RAB37: variants seen among roughly 807,000 people sequenced by gnomAD.
RAB37 encodes ras-related protein Rab-37.
In RAB37, 29 loss-of-function variants were observed where a neutral mutation model predicts 33.1. That is an observed-to-expected ratio of 0.88 (90% CI 0.65 to 1.20). RAB37 has a LOEUF of 1.20. RAB37 is among the 50% of genes most tolerant of loss of function. The pLI, the probability that RAB37 is intolerant of heterozygous loss-of-function variation, is 0.00. For synonymous variants in RAB37, 128 were observed against 119.5 expected (o/e 1.07, Z -0.47); for missense variants, 299 against 301.1 (o/e 0.99, Z 0.05).
intron 1 of RAB37, 67 bp downstream of exon 1, chr17:74,737,432 G>T: frequency 6.8e-7 from 1 of 1,469,996 alleles, no homozygotes; most frequent in Non-Finnish European, 9.1e-7. Flanking sequence ...CTGCGTCTGG[G>T]TTGGACTCAG....
Position 74,745,478 on chromosome 17 carries a change from C to T in RAB37, c.*67C>T, listed in dbSNP as rs546481506. On this transcript the variant is annotated 3_prime_UTR_variant, in exon 9 of 9. Transcript: ENST00000392613. This position sits in a 1 kb window ranked among gnomAD's most constrained non-coding sequence, Gnocchi z 4.5. Reference sequence around the variant, plus strand: ...GCAGCCTTCCCCCTCCCAGGCCTGGCTTATTCCAAGAGGCTGAGCCAATGG... The same window carrying T: ...GCAGCCTTCCCCCTCCCAGGCCTGGTTTATTCCAAGAGGCTGAGCCAATGG... 3.4e-5 allele frequency: 46 copies of T among 1,346,604 alleles called. No homozygotes were observed. The African/African-American group carries it at 6.2e-4, about 18-fold the overall frequency. 83.4% of individuals were successfully genotyped at this position (1,346,604 alleles called of 1,614,324 possible).
At chr17:74,698,747 A>C in intron 1 of RAB37, 2 of 708,704 alleles carry the variant, frequency 2.8e-6, no homozygotes, top group Non-Finnish European at 4.4e-6. Context: ...AAAAACTACA[A>C]ACTACCTATT....
At chr17:74,724,286 G>C (rs2034278256) in intron 1 of RAB37, among the ~76,000 whole-genome samples, 1 of 152,220 alleles carries the variant, frequency 6.6e-6, no homozygotes, top group South Asian at 2.1e-4. Flanking sequence ...CAGAAGACTG[G>C]AAACATGGAG....
intron 1 of RAB37, among the ~76,000 whole-genome samples, chr17:74,680,418 A>G (rs1426442930): frequency 6.6e-6 from 1 of 152,136 alleles, no homozygotes; most frequent in East Asian, 1.9e-4. Context: ...CTCACAAGAC[A>G]TGTATTGCCC....
chr17:74,683,719 G>A (rs2031999495), intron 1 of RAB37, among the ~76,000 whole-genome samples: 1 of 152,180 alleles, frequency 6.6e-6, no homozygotes, highest in African/African-American at 2.4e-5. Flanking sequence ...ATTCCCTGGG[G>A]CACCTCTGCC....
chr17:74,698,483 T>C (rs957386312), intron 1 of RAB37: 100 of 1,612,366 alleles, frequency 6.2e-5, no homozygotes, highest in Non-Finnish European at 8.4e-5. Flanking sequence ...AGCTTGTGCC[T>C]AGAAACAATG....
chr17:74,735,263 G>A (rs1278740376), upstream of RAB37, among the ~76,000 whole-genome samples: 2 of 152,136 alleles, frequency 1.3e-5, no homozygotes, highest in Non-Finnish European at 2.9e-5. Context: ...TACCAGGCCA[G>A]GTGCGGTGGC....
intron 1 of RAB37, among the ~76,000 whole-genome samples, chr17:74,717,171 A>G (rs1598301742): frequency 1.3e-5 from 2 of 152,308 alleles, no homozygotes. Context: ...CAAATTTCAG[A>G]ATGAAAGAAT....
intron 1 of RAB37, among the ~76,000 whole-genome samples, chr17:74,680,642 C>T (rs530905964): frequency 9.9e-5 from 15 of 152,216 alleles, no homozygotes; most frequent in Admixed American, 3.3e-4. Context: ...CCACCTCTGC[C>T]TCCCTCAGCT....
chr17:74,720,192 C>T (rs991768084), intron 1 of RAB37, among the ~76,000 whole-genome samples: 3 of 152,126 alleles, frequency 2.0e-5, no homozygotes, highest in African/African-American at 7.2e-5. Flanking sequence ...TGGGTTCAGC[C>T]CCTCGTGAGA....
Position 74,704,751 on chromosome 17 carries a change from T to G in RAB37, c.73-24505T>G, listed in dbSNP as rs756965295. On this transcript the variant is annotated intron_variant, in intron 1 of 7. Coordinates refer to the RAB37 transcript ENST00000340415. ...CCTGATCTGTAAACACACTGCACGGTCAAGGAGCCCCGCTCCAAGCCATTC... is the reference window on the plus strand; with the variant it reads ...CCTGATCTGTAAACACACTGCACGGGCAAGGAGCCCCGCTCCAAGCCATTC... 6 of 1,614,094 alleles carry G rather than the reference T, an allele frequency of 3.7e-6. No homozygotes were observed. In the South Asian group the frequency reaches 6.6e-5, roughly 18 times the overall value.
At chr17:74,701,107 A>T (rs539876266) in intron 1 of RAB37, among the ~76,000 whole-genome samples, 13 of 152,328 alleles carry the variant, frequency 8.5e-5, no homozygotes, top group Admixed American at 7.2e-4. Context: ...GAGAAAATAA[A>T]TTTTTGTGAT....
At chr17:74,728,299 GTGTA>G (rs1228165287) in intron 1 of RAB37, among the ~76,000 whole-genome samples, 2 of 151,678 alleles carry the variant, frequency 1.3e-5, no homozygotes, top group Non-Finnish European at 2.9e-5. Context: ...TGTGTTCTGT[GTGTA>G]TGTGTGTGTT....
At position 74,743,033 on chromosome 17, in the gene RAB37, C is replaced by T. The variant is rs2034659281; in HGVS notation, c.247-96C>T. On this transcript the variant is annotated intron_variant, in intron 3 of 8. Coordinates refer to ENST00000392613, the MANE Select transcript of RAB37 (RefSeq NM_001006638.3). ...AAAGAAGAAAACAGCCCCACCTTCC[C>T]ACAGATATCTCATACAACAAAGCAG... 14 of 1,115,542 alleles carry T rather than the reference C, an allele frequency of 1.3e-5. No individual in the cohort carries two copies. In the South Asian group the frequency reaches 1.9e-4, roughly 15 times the overall value. The allele number at this position is 1,115,542 out of a possible 1,614,324, so 69.1% of individuals were successfully genotyped here.
chr17:74,699,901 GAGGCTGAAGT>G (rs1204649825), intron 1 of RAB37, among the ~76,000 whole-genome samples: 1 of 152,054 alleles, frequency 6.6e-6, no homozygotes, highest in Non-Finnish European at 1.5e-5. Flanking sequence ...AGCAACTTGG[GAGGCTGAAGT>G]AGGCAGGTCA....
intron 1 of RAB37, among the ~76,000 whole-genome samples, chr17:74,708,844 G>C (rs563911830): frequency 1.3e-5 from 2 of 151,012 alleles, no homozygotes; most frequent in Non-Finnish European, 2.9e-5. Context: ...GAACCCGGGG[G>C]GGCGGAGCTT....
At chr17:74,727,303 A>G (rs7225923) in intron 1 of RAB37, among the ~76,000 whole-genome samples, 3,377 of 152,354 alleles carry the variant, frequency 0.022, 121 homozygotes, top group East Asian at 0.16. Context: ...AGGGAATCAA[A>G]TGTGCAAGGG....
At chr17:74,675,553 T>A (rs2031811875) in intron 1 of RAB37, among the ~76,000 whole-genome samples, 1 of 152,106 alleles carries the variant, frequency 6.6e-6, no homozygotes, top group African/African-American at 2.4e-5. Context: ...AGCAGCTTCA[T>A]ACAAGAGAAT....
intron 1 of RAB37, among the ~76,000 whole-genome samples, chr17:74,718,936 A>G (rs190231307): frequency 6.6e-6 from 1 of 152,188 alleles, no homozygotes; most frequent in African/African-American, 2.4e-5. Context: ...ATTTTAATAC[A>G]GGAAAAACAT....
Sources: gnomAD v4.1 joint callset for allele counts (sites outside exome capture counted in the v4.1 genomes callset) on GRCh38, gnomAD v4.1.1 for gene constraint, Gnocchi (gnomAD v3.1) non-coding constraint, MANE v1.5 for transcripts, NCBI Gene and HGNC (gene_info 2026-07-23, HGNC 2026-07-21) for gene names.